Variants in TMEM132D observed in about 807,000 individuals in gnomAD.
TMEM132D encodes mature OL transmembrane protein.
In TMEM132D, 21 loss-of-function variants were observed where a neutral mutation model predicts 62.3. That is an observed-to-expected ratio of 0.34 (90% CI 0.24 to 0.49). The LOEUF (loss-of-function observed/expected upper bound fraction) is 0.49, where lower values mean the gene tolerates loss of function less well. Ranked by LOEUF, TMEM132D falls within the 20% of genes least tolerant of loss-of-function variation. The probability of loss-of-function intolerance (pLI) is 0.99; values close to 1 mark genes in which losing one functional copy is unlikely to be tolerated. For synonymous variants in TMEM132D, 621 were observed against 575.6 expected (o/e 1.08, Z -1.13); for missense variants, 1,346 against 1,402.8 (o/e 0.96, Z 0.65).
chr12:129,420,312 T>TTTTTTG (rs1555254705), intron 3 of TMEM132D, among the ~76,000 whole-genome samples: 2 of 61,358 alleles, frequency 3.3e-5, no homozygotes, highest in African/African-American at 1.2e-4. Flanking sequence ...CTCTGTTTTT[T>TTTTTTG]TTTTTTTTTT....
intron 1 of TMEM132D, among the ~76,000 whole-genome samples, chr12:129,834,097 C>T (rs983165350): frequency 7.9e-5 from 12 of 152,124 alleles, no homozygotes; most frequent in East Asian, 7.7e-4. Flanking sequence ...GGATTGTAAC[C>T]GAGTGGCCCA....
chr12:129,649,046 AC>A (rs899672346), intron 2 of TMEM132D, among the ~76,000 whole-genome samples: 12 of 152,252 alleles, frequency 7.9e-5, no homozygotes, highest in African/African-American at 1.7e-4. Flanking sequence ...TTTTCATTTC[AC>A]CCTCACAATA....
chr12:129,366,009 AC>A (rs1272614693), intron 3 of TMEM132D, among the ~76,000 whole-genome samples: 1 of 152,014 alleles, frequency 6.6e-6, no homozygotes, highest in African/African-American at 2.4e-5. Flanking sequence ...AACTTTAGTC[AC>A]TCAGGGCTTG....
intron 5 of TMEM132D, among the ~76,000 whole-genome samples, chr12:129,186,557 G>A (rs1878228066): frequency 6.6e-6 from 1 of 152,156 alleles, no homozygotes; most frequent in Non-Finnish European, 1.5e-5. Context: ...CAAGCGCTCT[G>A]CTTATTTGTG....
Position 129,123,538 on chromosome 12 carries a change from A to C in TMEM132D, c.1444-38836T>G, listed in dbSNP as rs77545972. Among the ~76,000 whole-genome samples the C allele has an allele frequency of 5.1e-3, 779 of 152,244 alleles. 27 individuals carry two copies. The highest frequency in any genetic ancestry group is 0.034 in the East Asian group (177 of 5,160). Reference sequence around the variant, plus strand: ...GGGTCTCCAGGGTCCATCCCAAGCCAACTCAGGAAATGATCCTTCAGTGAT... The same window carrying C: ...GGGTCTCCAGGGTCCATCCCAAGCCCACTCAGGAAATGATCCTTCAGTGAT... On this transcript the variant is annotated intron_variant, in intron 5 of 8. Transcript: ENST00000422113.
At chr12:129,788,579 G>C (rs570005877) in intron 1 of TMEM132D, among the ~76,000 whole-genome samples, 207 of 152,304 alleles carry the variant, frequency 1.4e-3, no homozygotes, top group Admixed American at 2.1e-3. Flanking sequence ...TATTCAAAAA[G>C]ACTTTGGCAC....
intron 1 of TMEM132D, among the ~76,000 whole-genome samples, chr12:129,714,092 T>C (rs1303768520): frequency 6.6e-6 from 1 of 152,202 alleles, no homozygotes; most frequent in Non-Finnish European, 1.5e-5. Flanking sequence ...CTTCATCCTC[T>C]TCCTCACGTG....
intron 5 of TMEM132D, among the ~76,000 whole-genome samples, chr12:129,153,995 A>T (rs1424015872): frequency 6.6e-6 from 1 of 152,208 alleles, no homozygotes; most frequent in Non-Finnish European, 1.5e-5. Flanking sequence ...ACATTCCTTC[A>T]GTTCCTGGTT....
At chr12:129,540,912 C>T (rs1004529403) in intron 2 of TMEM132D, among the ~76,000 whole-genome samples, 1 of 152,236 alleles carries the variant, frequency 6.6e-6, no homozygotes, top group Non-Finnish European at 1.5e-5. Context: ...GGATTCCAGG[C>T]ATGAGCTATC....
intron 5 of TMEM132D, among the ~76,000 whole-genome samples, chr12:129,115,856 C>T (rs1018697501): frequency 6.6e-6 from 1 of 152,192 alleles, no homozygotes; most frequent in Non-Finnish European, 1.5e-5. Flanking sequence ...TCTCAGGGGG[C>T]ATGTGGTGGT....
intron 5 of TMEM132D, among the ~76,000 whole-genome samples, chr12:129,193,751 GC>G (rs1005522044): frequency 1.3e-5 from 2 of 152,148 alleles, no homozygotes; most frequent in African/African-American, 4.8e-5. Flanking sequence ...TACATACCAG[GC>G]CTTCTGGTAA....
intron 2 of TMEM132D, among the ~76,000 whole-genome samples, chr12:129,671,617 GA>G (rs1460849073): frequency 2.6e-5 from 4 of 152,130 alleles, no homozygotes. Context: ...AAGCGTTTTT[GA>G]AACTTGGGGC....
chr12:129,548,232 CA>C (rs1188785696), intron 2 of TMEM132D, among the ~76,000 whole-genome samples: 2 of 152,166 alleles, frequency 1.3e-5, no homozygotes, highest in Non-Finnish European at 2.9e-5. Flanking sequence ...TCAGCCCCAT[CA>C]GGGGCAGGGG....
intron 3 of TMEM132D, among the ~76,000 whole-genome samples, chr12:129,385,609 G>T (rs1056242194): frequency 6.6e-5 from 10 of 152,138 alleles, no homozygotes; most frequent in Non-Finnish European, 1.2e-4. Context: ...CTTTAAATAT[G>T]CAGCAAGAAT....
chr12:129,872,755 G>A (rs574208129), intron 1 of TMEM132D, among the ~76,000 whole-genome samples: 8 of 152,258 alleles, frequency 5.3e-5, no homozygotes, highest in African/African-American at 7.2e-5. Context: ...GTTAAATGGC[G>A]CACAGGATGT....
At chr12:129,112,897 A>C (rs1875767615) in intron 5 of TMEM132D, among the ~76,000 whole-genome samples, 1 of 152,156 alleles carries the variant, frequency 6.6e-6, no homozygotes. Flanking sequence ...TCTTGCTGTG[A>C]GTGTGAAGGG....
At chr12:129,542,828 G>A (rs898433971) in intron 2 of TMEM132D, among the ~76,000 whole-genome samples, 2 of 151,984 alleles carry the variant, frequency 1.3e-5, no homozygotes, top group African/African-American at 2.4e-5. Context: ...TATTTTTACT[G>A]TACCTTTTCT....
intron 3 of TMEM132D, among the ~76,000 whole-genome samples, chr12:129,373,667 C>T (rs554867619): frequency 6.6e-6 from 1 of 151,224 alleles, no homozygotes; most frequent in Non-Finnish European, 1.5e-5. Flanking sequence ...ATAAAAAAAA[C>T]AACAAAAAAA....
At chr12:129,582,453 G>C (rs559329530) in intron 2 of TMEM132D, among the ~76,000 whole-genome samples, 2 of 152,306 alleles carry the variant, frequency 1.3e-5, no homozygotes, top group South Asian at 4.1e-4. Context: ...GGAAACGTAT[G>C]CACACTCACC....
Sources: allele counts gnomAD v4.1 joint callset (sites outside exome capture counted in the v4.1 genomes callset), GRCh38; gene constraint gnomAD v4.1.1; transcripts MANE v1.5; gene names NCBI Gene and HGNC (gene_info 2026-07-23, HGNC 2026-07-21).